The following AGBL4 variants were observed in gnomAD, a reference collection of about 807,000 sequenced individuals.
AGBL4 encodes AGBL carboxypeptidase 4.
In AGBL4, 58 loss-of-function variants were observed where a neutral mutation model predicts 66.4. The ratio of observed to expected loss-of-function variants is 0.87; its 90% CI spans 0.71 to 1.09. AGBL4 has a LOEUF of 1.09. Among genes scored for constraint, AGBL4 ranks in the 50% least tolerant of loss-of-function variants. AGBL4 has a pLI of 0.00. For synonymous variants in AGBL4, 234 were observed against 222.9 expected (o/e 1.05, Z -0.44); for missense variants, 579 against 631.0 (o/e 0.92, Z 0.88).
At chr1:49,803,859 G>C (rs954444199) in intron 2 of AGBL4, among the ~76,000 whole-genome samples, 4 of 152,038 alleles carry the variant, frequency 2.6e-5, no homozygotes, top group Non-Finnish European at 5.9e-5. Flanking sequence ...AAAATATTTG[G>C]TTATTAACAC....
intron 3 of AGBL4, among the ~76,000 whole-genome samples, chr1:49,530,571 T>C (rs1287596720): frequency 2.0e-5 from 3 of 152,018 alleles, no homozygotes; most frequent in Admixed American, 2.0e-4. Flanking sequence ...TCTGAAATAG[T>C]CTCTTAAAAT....
intron 2 of AGBL4, among the ~76,000 whole-genome samples, chr1:49,789,571 A>G (rs1644541866): frequency 6.6e-6 from 1 of 152,144 alleles, no homozygotes; most frequent in Admixed American, 6.5e-5. Flanking sequence ...TCATGAGTGA[A>G]CTCCCATTCA....
chr1:50,019,263 T>TTCTCTC (rs71059571), intron 1 of AGBL4, among the ~76,000 whole-genome samples: 21 of 83,668 alleles, frequency 2.5e-4, no homozygotes, highest in South Asian at 5.5e-4. Flanking sequence ...AAAAAAAATA[T>TTCTCTC]TCTCTCTCTC....
At chr1:49,480,889 G>C (rs1488677734) in intron 3 of AGBL4, among the ~76,000 whole-genome samples, 3 of 151,974 alleles carry the variant, frequency 2.0e-5, no homozygotes, top group Non-Finnish European at 4.4e-5. Context: ...TTATTGAATA[G>C]CGAGTCCTTT....
At chr1:49,914,462 T>C (rs1463090910) in intron 1 of AGBL4, among the ~76,000 whole-genome samples, 2 of 152,206 alleles carry the variant, frequency 1.3e-5, no homozygotes, top group Non-Finnish European at 2.9e-5. Flanking sequence ...GCCTTTGCTG[T>C]CTATATATCT....
At chr1:48,939,936 G>T (rs998940672) in intron 5 of AGBL4, among the ~76,000 whole-genome samples, 4 of 152,130 alleles carry the variant, frequency 2.6e-5, no homozygotes, top group Non-Finnish European at 5.9e-5. Flanking sequence ...GGCATCTAGT[G>T]GGTGGCCACA....
intron 2 of AGBL4, among the ~76,000 whole-genome samples, chr1:49,705,000 T>G (rs936294421): frequency 2.0e-5 from 3 of 152,214 alleles, no homozygotes; most frequent in Non-Finnish European, 4.4e-5. Flanking sequence ...GCACTGTATC[T>G]ATAAATTACT....
At position 48,839,153 on chromosome 1, in the gene AGBL4, C is replaced by T. The variant is rs78713426; in HGVS notation, c.634+28038G>A. On this transcript the variant is annotated intron_variant, in intron 6 of 13. Coordinates refer to ENST00000371839, the MANE Select transcript of AGBL4 (RefSeq NM_032785.4). ...AGAAACTACAATTAGAAATAACATACGATCCAGCAATTCCAATGCTGGATA... is the reference window on the plus strand; with the variant it reads ...AGAAACTACAATTAGAAATAACATATGATCCAGCAATTCCAATGCTGGATA... Among the ~76,000 whole-genome samples, 58 of 152,124 alleles carry T rather than the reference C, an allele frequency of 3.8e-4. No individual in the cohort carries two copies. In the East Asian group the frequency reaches 9.9e-3, roughly 26 times the overall value.
chr1:48,860,732 C>T (rs1011503823), intron 6 of AGBL4, among the ~76,000 whole-genome samples: 1 of 152,114 alleles, frequency 6.6e-6, no homozygotes, highest in African/African-American at 2.4e-5. Context: ...AGGTCCTATA[C>T]TGAAGATGTG....
chr1:49,856,070 C>G (rs1420563425), intron 1 of AGBL4, among the ~76,000 whole-genome samples: 1 of 151,788 alleles, frequency 6.6e-6, no homozygotes. Context: ...ACAACTGATA[C>G]CATAGAAATA....
At chr1:49,734,071 C>T (rs1158907733) in intron 2 of AGBL4, among the ~76,000 whole-genome samples, 1 of 152,040 alleles carries the variant, frequency 6.6e-6, no homozygotes, top group Non-Finnish European at 1.5e-5. Context: ...AAGCACAGCA[C>T]TACACAAATT....
At chr1:48,718,528 T>C (rs550522944) in intron 6 of AGBL4, among the ~76,000 whole-genome samples, 1 of 152,310 alleles carries the variant, frequency 6.6e-6, no homozygotes, top group African/African-American at 2.4e-5. Flanking sequence ...GTAGTGACTG[T>C]CATTCTTCAT....
intron 1 of AGBL4, among the ~76,000 whole-genome samples, chr1:50,020,428 A>T (rs1310047455): frequency 6.6e-6 from 1 of 152,106 alleles, no homozygotes; most frequent in Non-Finnish European, 1.5e-5. Context: ...GAGGAAACTG[A>T]AGATCATAAA....
At chr1:49,941,058 A>G (rs1186312984) in intron 1 of AGBL4, among the ~76,000 whole-genome samples, 1 of 152,166 alleles carries the variant, frequency 6.6e-6, no homozygotes, top group Non-Finnish European at 1.5e-5. Context: ...AACAAATTGG[A>G]TAATGTAGGA....
intron 3 of AGBL4, among the ~76,000 whole-genome samples, chr1:49,496,805 T>C (rs1414618141): frequency 1.4e-5 from 2 of 145,980 alleles, no homozygotes; most frequent in African/African-American, 5.1e-5. Flanking sequence ...ATATCTTGAA[T>C]ATTGTGAAAA....
intron 1 of AGBL4, among the ~76,000 whole-genome samples, chr1:49,907,583 T>C (rs886907645): frequency 6.6e-6 from 1 of 152,174 alleles, no homozygotes; most frequent in African/African-American, 2.4e-5. Flanking sequence ...CTACATGCTA[T>C]ATGATTCCAA....
intron 3 of AGBL4, among the ~76,000 whole-genome samples, chr1:49,612,991 A>G (rs919380082): frequency 1.3e-5 from 2 of 152,252 alleles, no homozygotes; most frequent in Non-Finnish European, 2.9e-5. Context: ...TTAGATGCCC[A>G]TCAGTGGTGG....
intron 3 of AGBL4, among the ~76,000 whole-genome samples, chr1:49,564,956 G>A (rs1014761635): frequency 6.7e-5 from 10 of 149,750 alleles, no homozygotes; most frequent in African/African-American, 2.5e-4. Flanking sequence ...CTCTTTGTAG[G>A]TCTCTAAGGA....
chr1:49,598,986 C>T (rs546582959), intron 3 of AGBL4, among the ~76,000 whole-genome samples: 11 of 152,122 alleles, frequency 7.2e-5, no homozygotes, highest in African/African-American at 2.2e-4. Flanking sequence ...TTGGATGTGC[C>T]GCTGGATTTG....
Sources: gnomAD v4.1 joint callset for allele counts (sites outside exome capture counted in the v4.1 genomes callset) on GRCh38, gnomAD v4.1.1 for gene constraint, MANE v1.5 for transcripts, NCBI Gene and HGNC (gene_info 2026-07-23, HGNC 2026-07-21) for gene names.